ADAMTSL1: variants seen among roughly 807,000 people sequenced by gnomAD.
ADAMTSL1 encodes ADAMTS like 1.
Under a neutral mutation model 201.8 loss-of-function variants are expected in ADAMTSL1, and 126 were observed. The ratio of observed to expected loss-of-function variants is 0.62; its 90% confidence interval spans 0.54 to 0.72. The LOEUF is 0.72. Ranked by LOEUF, ADAMTSL1 falls within the 30% of genes least tolerant of loss-of-function variation. The probability of loss-of-function intolerance (pLI) is 0.00; values close to 1 mark genes in which losing one functional copy is unlikely to be tolerated. For missense variants in ADAMTSL1, 2,679 were observed against 2,277.8 expected (o/e 1.18, Z -3.59); for synonymous variants, 1,121 against 903.4 (o/e 1.24, Z -4.32).
At chr9:18,457,879 A>G (rs936615472) in intron 2 of ADAMTSL1, among the ~76,000 whole-genome samples, 2 of 152,238 alleles carry the variant, frequency 1.3e-5, no homozygotes, top group Non-Finnish European at 1.5e-5. Flanking sequence ...TCTGGCCTGT[A>G]TTCTGTCTAG....
intron 1 of ADAMTSL1, among the ~76,000 whole-genome samples, chr9:18,029,526 C>G (rs933991616): frequency 2.6e-5 from 4 of 152,112 alleles, no homozygotes; most frequent in Non-Finnish European, 4.4e-5. Flanking sequence ...GCAATGGCAA[C>G]AAAAGCCAGA....
intron 14 of ADAMTSL1, among the ~76,000 whole-genome samples, chr9:18,709,105 G>A (rs1391886656): frequency 1.3e-5 from 2 of 152,138 alleles, no homozygotes; most frequent in Non-Finnish European, 2.9e-5. Context: ...GTCAACAACT[G>A]AACCTACTTA....
chr9:17,992,797 A>G (rs1819213876), intron 1 of ADAMTSL1, among the ~76,000 whole-genome samples: 1 of 152,172 alleles, frequency 6.6e-6, no homozygotes, highest in Admixed American at 6.5e-5. Flanking sequence ...ACGAGAAGAA[A>G]ACTGAGAGGT....
chr9:18,618,308 G>A (rs1587718010), intron 4 of ADAMTSL1, among the ~76,000 whole-genome samples: 1 of 152,044 alleles, frequency 6.6e-6, no homozygotes, highest in African/African-American at 2.4e-5. Context: ...GTCTAAGGTC[G>A]CCTATCTGTA....
chr9:18,527,381 A>T (rs2132070778), intron 2 of ADAMTSL1, among the ~76,000 whole-genome samples: 1 of 152,324 alleles, frequency 6.6e-6, no homozygotes, highest in Admixed American at 6.5e-5. Context: ...CAATGTATTG[A>T]CATCAGGTAT....
chr9:18,298,673 TA>T (rs11387134), intron 2 of ADAMTSL1, among the ~76,000 whole-genome samples: 8,496 of 138,410 alleles, frequency 0.061, 715 homozygotes, highest in African/African-American at 0.19. Flanking sequence ...TTTAACAAGT[TA>T]AAAAAAAAAA....
Position 18,528,083 on chromosome 9 carries a change from G to T in ADAMTSL1, c.192-5164G>T, listed in dbSNP as rs1353119363. Among the ~76,000 whole-genome samples the T allele has an allele frequency of 6.6e-5, 10 of 152,224 alleles. No homozygotes were observed. In the South Asian group the frequency reaches 2.1e-3, roughly 32 times the overall value. ...ATTAGAGACGGGGTTTCATCACGTT[G>T]GCCAGGCTGGTCTTGAACTCCTGAC... On this transcript the variant is annotated intron_variant, in intron 2 of 28. Transcript: ENST00000380548.
At chr9:18,587,465 C>T (rs1196671580) in intron 4 of ADAMTSL1, among the ~76,000 whole-genome samples, 1 of 152,102 alleles carries the variant, frequency 6.6e-6, no homozygotes, top group Admixed American at 6.5e-5. Flanking sequence ...TCACCTCAAA[C>T]ATTTACCTTT....
chr9:18,507,892 A>G (rs1323138480), intron 2 of ADAMTSL1, among the ~76,000 whole-genome samples: 1 of 152,142 alleles, frequency 6.6e-6, no homozygotes, highest in South Asian at 2.1e-4. Flanking sequence ...TCCTCAATCA[A>G]AATTCAGTTT....
chr9:18,494,904 C>A, intron 1 of ADAMTSL1, among the ~76,000 whole-genome samples: 1 of 152,254 alleles, frequency 6.6e-6, no homozygotes, highest in East Asian at 1.9e-4. Flanking sequence ...AAGGAGTGAA[C>A]AGTTGAGCTT....
chr9:18,721,424 G>C, intron 14 of ADAMTSL1, 112 bp from the exon 15 acceptor site: 1 of 1,428,540 alleles, frequency 7.0e-7, no homozygotes, highest in East Asian at 2.4e-5. Flanking sequence ...GACATACAGC[G>C]AGAGTCCTAC....
chr9:18,673,952 C>G (rs531008817), intron 9 of ADAMTSL1, among the ~76,000 whole-genome samples: 39 of 151,870 alleles, frequency 2.6e-4, no homozygotes, highest in African/African-American at 9.4e-4. Flanking sequence ...CCCTTTATTA[C>G]TAGATGTAAG....
intron 4 of ADAMTSL1, among the ~76,000 whole-genome samples, chr9:18,617,962 A>T (rs1825806032): frequency 1.3e-5 from 2 of 152,272 alleles, no homozygotes; most frequent in South Asian, 4.1e-4. Context: ...TTGCAAAAAA[A>T]TTTCATGCAG....
At chr9:18,221,962 ACT>A (rs1190522677) in intron 2 of ADAMTSL1, among the ~76,000 whole-genome samples, 3 of 151,662 alleles carry the variant, frequency 2.0e-5, no homozygotes, top group Non-Finnish European at 4.4e-5. Flanking sequence ...TATATTTCAG[ACT>A]CTATTATAAA....
At chr9:18,754,844 A>G (rs1819657542) in intron 16 of ADAMTSL1, among the ~76,000 whole-genome samples, 1 of 152,236 alleles carries the variant, frequency 6.6e-6, no homozygotes, top group Non-Finnish European at 1.5e-5. Flanking sequence ...CCATGATACT[A>G]TGGATGGTTT....
intron 19 of ADAMTSL1, 90 bp from the exon 20 acceptor site, chr9:18,795,307 C>A: frequency 6.4e-7 from 1 of 1,551,434 alleles, no homozygotes; most frequent in Non-Finnish European, 8.8e-7. Context: ...CTGCATACAC[C>A]CTGAGGTTCC....
intron 1 of ADAMTSL1, among the ~76,000 whole-genome samples, chr9:17,917,219 T>G (rs71504888): frequency 0.099 from 15,128 of 152,148 alleles, 863 homozygotes; most frequent in South Asian, 0.19. Context: ...GAGAGTTCTT[T>G]AAAGTCTTTA....
intron 1 of ADAMTSL1, among the ~76,000 whole-genome samples, chr9:17,972,077 T>C (rs1489362517): frequency 1.3e-5 from 2 of 151,940 alleles, no homozygotes; most frequent in Non-Finnish European, 2.9e-5. Context: ...AATTAACATA[T>C]TCATCATCTC....
chr9:18,229,857 G>T (rs112522320), intron 2 of ADAMTSL1, among the ~76,000 whole-genome samples: 1 of 151,808 alleles, frequency 6.6e-6, no homozygotes, highest in African/African-American at 2.4e-5. Flanking sequence ...CAACATGCCC[G>T]GCTAATTTTT....
Sources: gnomAD v4.1 joint callset for allele counts (sites outside exome capture counted in the v4.1 genomes callset) on GRCh38, gnomAD v4.1.1 for gene constraint, MANE v1.5 for transcripts, NCBI Gene and HGNC (gene_info 2026-07-23, HGNC 2026-07-21) for gene names.